Variants in ACSM3 observed in about 807,000 individuals in gnomAD.
ACSM3 encodes the protein acyl-CoA synthetase medium chain family member 3.
Under a neutral mutation model 74.1 loss-of-function variants are expected in ACSM3, and 61 were observed. That is an observed-to-expected ratio of 0.82 (90% confidence interval 0.67 to 1.02). The LOEUF (loss-of-function observed/expected upper bound fraction) is 1.02. Among genes scored for constraint, ACSM3 ranks in the 50% least tolerant of loss-of-function variants. The probability of loss-of-function intolerance (pLI) is 0.00; values close to 1 mark genes in which losing one functional copy is unlikely to be tolerated. For missense variants in ACSM3, 660 were observed against 697.0 expected, an observed-to-expected ratio of 0.95 and a Z score of 0.60; for synonymous variants, 213 against 241.5, an observed-to-expected ratio of 0.88 and a Z score of 1.09.
intron 1 of ACSM3, among the ~76,000 whole-genome samples, chr16:20,722,770 T>A (rs1596485282): frequency 6.6e-6 from 1 of 152,232 alleles, no homozygotes; most frequent in Non-Finnish European, 1.5e-5. Flanking sequence ...ATTCACTTGC[T>A]GAATTCAATT....
At chr16:20,774,277 C>G (rs149028602) in intron 2 of ACSM3, among the ~76,000 whole-genome samples, 4,135 of 132,506 alleles carry the variant, frequency 0.031, 206 homozygotes, top group African/African-American at 0.11. Flanking sequence ...GCGTCTCACT[C>G]TGTCACCAGG....
intron 1 of ACSM3, chr16:20,680,426 T>C (rs77734337): frequency 6.6e-6 from 1 of 152,252 alleles, no homozygotes; most frequent in East Asian, 1.9e-4. Context: ...GCTGAAAACA[T>C]AGCTGGCAGC....
intron 1 of ACSM3, chr16:20,685,186 C>T: frequency 6.2e-7 from 1 of 1,614,166 alleles, no homozygotes; most frequent in Non-Finnish European, 8.5e-7. Context: ...CCTCTTGCAT[C>T]ACTGACCTGT....
upstream of ACSM3, among the ~76,000 whole-genome samples, chr16:20,759,092 G>T (rs2080055088): frequency 6.6e-6 from 1 of 152,130 alleles, no homozygotes. Context: ...ATGAGGGCTG[G>T]TTGCCAGGAG....
intron 2 of ACSM3, among the ~76,000 whole-genome samples, chr16:20,751,499 A>G (rs1246394411): frequency 1.3e-5 from 2 of 152,234 alleles, no homozygotes; most frequent in East Asian, 3.8e-4. Context: ...GAGAGATAGA[A>G]ACCCAGGAGA....
chr16:20,715,323 G>A (rs145168733), intron 1 of ACSM3, among the ~76,000 whole-genome samples: 111 of 152,256 alleles, frequency 7.3e-4, no homozygotes, highest in African/African-American at 2.5e-3. Context: ...TTCACTGTTC[G>A]ACAGTCATGG....
intron 1 of ACSM3, chr16:20,679,783 C>T (rs1423614065): frequency 6.6e-6 from 1 of 152,160 alleles, no homozygotes; most frequent in African/African-American, 2.4e-5. Context: ...AGGAAATAAT[C>T]AGCTATATGT....
At chr16:20,714,979 C>G (rs1480350419) in intron 1 of ACSM3, among the ~76,000 whole-genome samples, 1 of 147,240 alleles carries the variant, frequency 6.8e-6, no homozygotes, top group African/African-American at 2.5e-5. Flanking sequence ...GATAGACAGA[C>G]AGATGGATAG....
Position 20,741,984 on chromosome 16 carries a change from A to G in ACSM3, c.-189-7926A>G, listed in dbSNP as rs1223112477. 3 of 1,514,668 alleles carry G rather than the reference A, an allele frequency of 2.0e-6. No homozygotes were observed. The South Asian group carries it at 3.6e-5, about 18-fold the overall frequency. 93.8% of individuals were successfully genotyped at this position (1,514,668 alleles called of 1,614,324 possible). ...ACTGCAACCTGAATCCAGTAGAGGC[A>G]GCATAGCAGCCATTCTGGAAGTGGT... is the stretch of plus-strand genomic sequence containing the variant. On this transcript the variant is annotated intron_variant, in intron 1 of 3. Coordinates refer to the ACSM3 transcript ENST00000561584.
intron 1 of ACSM3, among the ~76,000 whole-genome samples, chr16:20,748,276 T>C (rs2079966888): frequency 1.3e-5 from 2 of 152,136 alleles, no homozygotes; most frequent in South Asian, 2.1e-4. Flanking sequence ...GGTTGAATAA[T>C]TTATATTTAA....
At chr16:20,742,352 C>G (rs1448737434) in intron 1 of ACSM3, among the ~76,000 whole-genome samples, 1 of 152,108 alleles carries the variant, frequency 6.6e-6, no homozygotes, top group East Asian at 1.9e-4. Flanking sequence ...TGCCAATCAA[C>G]GCATTACAAA....
At chr16:20,762,025 A>T (rs2080081380), upstream of ACSM3, among the ~76,000 whole-genome samples, 1 of 152,184 alleles carries the variant, frequency 6.6e-6, no homozygotes, top group Non-Finnish European at 1.5e-5. Flanking sequence ...AATGTATAAA[A>T]CGCAAAGTCA....
At chr16:20,792,534 C>CA (rs1361506855) in intron 12 of ACSM3, 199 bp downstream of exon 12, 1 of 985,272 alleles carries the variant, frequency 1.0e-6, no homozygotes, top group Non-Finnish European at 1.2e-6. Flanking sequence ...AACAGACAAA[C>CA]AAAATAAGGC....
chr16:20,786,434 A>G lies in ACSM3; in HGVS notation c.1224+276A>G, dbSNP rs2080477227. ...AGTGGCTCACGCCTGTAATCCCAACACTTTGGGAGGCCAAGGCGGGAGCAT... is the reference window on the plus strand; with the variant it reads ...AGTGGCTCACGCCTGTAATCCCAACGCTTTGGGAGGCCAAGGCGGGAGCAT... On this transcript the variant is annotated intron_variant, in intron 9 of 13. Coordinates refer to ENST00000289416, the MANE Select transcript of ACSM3 (RefSeq NM_005622.4). The G allele has an allele frequency of 7.6e-6, 4 of 526,248 alleles. No individual in the cohort carries two copies. In the East Asian group the frequency reaches 1.2e-4, roughly 15 times the overall value. The allele number at this position is 526,248 out of a possible 1,614,324, so 32.6% of individuals were successfully genotyped here.
intron 1 of ACSM3, among the ~76,000 whole-genome samples, chr16:20,706,145 T>C (rs1957836039): frequency 6.6e-6 from 1 of 151,620 alleles, no homozygotes; most frequent in Non-Finnish European, 1.5e-5. Flanking sequence ...ACAGAAAAAA[T>C]ATTTTAAGAA....
Position 20,796,324 on chromosome 16 carries a change from A to G in ACSM3, c.1555-46A>G, listed in dbSNP as rs1464201097. On this transcript the variant is annotated intron_variant, in intron 12 of 13. Coordinates refer to ENST00000289416, the MANE Select transcript of ACSM3 (RefSeq NM_005622.4). The stretch of plus-strand genomic sequence containing the variant: ...AAGCAAACAAGACATACTAAAACAT[A>G]CAAATGCATAACTCATTTTCCTGGT... The G allele has an allele frequency of 5.0e-6, 8 of 1,595,682 alleles. No individual in the cohort carries two copies. In the African/African-American group the frequency reaches 1.1e-4, roughly 22 times the overall value.
In ACSM3 at chr16:20,767,240, G is replaced by A. The variant is rs544758058; in HGVS notation, c.-51-2744G>A. Among the ~76,000 whole-genome samples the A allele has an allele frequency of 8.1e-4, 13 of 15,958 alleles. 4 individuals carry two copies. The East Asian group carries it at 8.5e-3, about 10-fold the overall frequency. The allele number at this position is 15,958 out of a possible 152,430, so 10.5% of individuals were successfully genotyped here. A position where few individuals can be genotyped will look rare whatever the true frequency, so the allele number is the denominator to read the frequency against. Reference sequence around the variant, plus strand: ...CCAGCAAAAAACAGGGACCGGGGCCGGGCGCGGTGGCTCACGCCTGTAATC... The same window carrying A: ...CCAGCAAAAAACAGGGACCGGGGCCAGGCGCGGTGGCTCACGCCTGTAATC... On this transcript the variant is annotated intron_variant, in intron 1 of 13. Transcript: ENST00000289416.
At chr16:20,737,909 TG>T in intron 1 of ACSM3, 1 of 1,613,808 alleles carries the variant, frequency 6.2e-7, no homozygotes, top group Non-Finnish European at 8.5e-7. Context: ...TTCTTTTTCT[TG>T]GTTTTGTACA....
intron 1 of ACSM3, among the ~76,000 whole-genome samples, chr16:20,683,790 G>T (rs909669127): frequency 6.7e-6 from 1 of 148,158 alleles, no homozygotes; most frequent in Non-Finnish European, 1.5e-5. Context: ...GGATGGTCTC[G>T]ATCTCCTGAC....
Sources: allele counts gnomAD v4.1 joint callset (sites outside exome capture counted in the v4.1 genomes callset), GRCh38; gene constraint gnomAD v4.1.1; transcripts MANE v1.5; gene names NCBI Gene and HGNC (gene_info 2026-07-23, HGNC 2026-07-21).